Variants in POU2AF2 observed in about 807,000 individuals in gnomAD.
POU2AF2 encodes POU class 2 homeobox associating factor 2.
At chr11:111,269,454 A>G in the POU2AF2 span, among the ~76,000 whole-genome samples, 2 of 152,216 alleles carry the variant, frequency 1.3e-5, no homozygotes, top group African/African-American at 2.4e-5. Flanking sequence ...AATTTTTAAA[A>G]TAATAATAAA....
the POU2AF2 span, among the ~76,000 whole-genome samples, chr11:111,265,705 A>C: frequency 6.6e-6 from 1 of 152,162 alleles, no homozygotes; most frequent in Non-Finnish European, 1.5e-5. Flanking sequence ...GGTGTGCCAC[A>C]CTAAGGTAGA....
the POU2AF2 span, among the ~76,000 whole-genome samples, chr11:111,263,621 C>T: frequency 6.6e-6 from 1 of 151,890 alleles, no homozygotes; most frequent in Admixed American, 6.6e-5. Flanking sequence ...TTAGTAGAGA[C>T]AGGGTTTCAC....
chr11:111,258,782 T>G, the POU2AF2 span, among the ~76,000 whole-genome samples: 1 of 152,202 alleles, frequency 6.6e-6, no homozygotes, highest in Non-Finnish European at 1.5e-5. Context: ...ACAAGCTCCT[T>G]GGATGGTGCC....
At chr11:111,273,129 T>C in the POU2AF2 span, among the ~76,000 whole-genome samples, 1 of 152,244 alleles carries the variant, frequency 6.6e-6, no homozygotes, top group Non-Finnish European at 1.5e-5. Flanking sequence ...ATGTTTGAGA[T>C]AGTTTAGCCA....
the POU2AF2 span, among the ~76,000 whole-genome samples, chr11:111,261,491 T>C: frequency 6.6e-6 from 1 of 152,188 alleles, no homozygotes; most frequent in Admixed American, 6.5e-5. Context: ...TTCAGACCAT[T>C]GTTCCTTTTA....
At chr11:111,284,218 G>C in the POU2AF2 span, 1 of 1,614,106 alleles carries the variant, frequency 6.2e-7, no homozygotes, top group Non-Finnish European at 8.5e-7. Context: ...CCGCAGGGCA[G>C]AGCCATGCGG....
At chr11:111,264,169 A>G in the POU2AF2 span, among the ~76,000 whole-genome samples, 2 of 152,058 alleles carry the variant, frequency 1.3e-5, no homozygotes, top group African/African-American at 4.8e-5. Context: ...GGTTCAGAGG[A>G]GGGAAAGCAA....
At chr11:111,286,367 T>G in the POU2AF2 span, 1 of 252,042 alleles carries the variant, frequency 4.0e-6, no homozygotes, top group Non-Finnish European at 7.4e-6. Context: ...GGCACTGATT[T>G]TTCTTAAATT....
chr11:111,249,671 C>T, the POU2AF2 span, among the ~76,000 whole-genome samples: 23 of 152,156 alleles, frequency 1.5e-4, no homozygotes, highest in Admixed American at 3.3e-4. Flanking sequence ...TTCTCTAAGG[C>T]GTTTCATTTA....
At chr11:111,253,187 T>C in the POU2AF2 span, among the ~76,000 whole-genome samples, 1 of 152,200 alleles carries the variant, frequency 6.6e-6, no homozygotes, top group South Asian at 2.1e-4. Context: ...AATGTCACTG[T>C]TCCCCAGGCT....
chr11:111,257,526 G>A, the POU2AF2 span, among the ~76,000 whole-genome samples: 1 of 151,870 alleles, frequency 6.6e-6, no homozygotes, highest in African/African-American at 2.4e-5. Flanking sequence ...CTGCCACCAC[G>A]CCCCACTAAT....
At chr11:111,273,343 C>T in the POU2AF2 span, among the ~76,000 whole-genome samples, 2 of 152,114 alleles carry the variant, frequency 1.3e-5, no homozygotes, top group African/African-American at 4.8e-5. Flanking sequence ...AACCACATGA[C>T]CTATGGTGGA....
At chr11:111,265,111 G>T in the POU2AF2 span, among the ~76,000 whole-genome samples, 6 of 152,160 alleles carry the variant, frequency 3.9e-5, no homozygotes, top group Admixed American at 3.3e-4. Context: ...AGGGGCAAAG[G>T]CACAGGGGAA....
chr11:111,281,439 A>T, the POU2AF2 span: 1 of 1,613,780 alleles, frequency 6.2e-7, no homozygotes, highest in Non-Finnish European at 8.5e-7. Context: ...TGCAGATGCC[A>T]GGTGAGTACT....
chr11:111,273,101 T>C, the POU2AF2 span, among the ~76,000 whole-genome samples: 1 of 152,218 alleles, frequency 6.6e-6, no homozygotes, highest in Non-Finnish European at 1.5e-5. Context: ...TTTTCAAAAG[T>C]AATAAGATTT....
chr11:111,265,249 T>TA, the POU2AF2 span, among the ~76,000 whole-genome samples: 1 of 152,208 alleles, frequency 6.6e-6, no homozygotes, highest in Admixed American at 6.5e-5. Flanking sequence ...TGTTAAGGTC[T>TA]CCCAGACACT....
chr11:111,261,620 T>G, the POU2AF2 span, among the ~76,000 whole-genome samples: 1 of 152,168 alleles, frequency 6.6e-6, no homozygotes, highest in Non-Finnish European at 1.5e-5. Flanking sequence ...CAGCTTGGAA[T>G]TGAAACTGTT....
the POU2AF2 span, among the ~76,000 whole-genome samples, chr11:111,252,589 C>T: frequency 6.6e-6 from 1 of 151,644 alleles, no homozygotes; most frequent in African/African-American, 2.4e-5. Flanking sequence ...ACCACCCCGC[C>T]CACACCCTGA....
chr11:111,271,103 A>T, the POU2AF2 span, among the ~76,000 whole-genome samples: 2 of 152,130 alleles, frequency 1.3e-5, no homozygotes, highest in African/African-American at 2.4e-5. Context: ...TGGGTGGATC[A>T]CCTGAAGTCA....
Sources: allele counts gnomAD v4.1 joint callset (sites outside exome capture counted in the v4.1 genomes callset), GRCh38; gene constraint gnomAD v4.1.1; transcripts MANE v1.5; gene names NCBI Gene and HGNC (gene_info 2026-07-23, HGNC 2026-07-21).